The following SSC4D variants were observed in gnomAD, a reference collection of about 807,000 sequenced individuals.
The protein encoded by SSC4D is scavenger receptor cysteine-rich domain-containing group B protein.
Under a neutral mutation model 63.4 loss-of-function variants are expected in SSC4D, and 57 were observed. That is an observed-to-expected ratio of 0.90 (90% CI 0.73 to 1.12). The LOEUF (loss-of-function observed/expected upper bound fraction) is 1.12. Among genes scored for constraint, SSC4D ranks in the 50% most tolerant of loss-of-function variants. The pLI, the probability that SSC4D is intolerant of heterozygous loss-of-function variation, is 0.00. For synonymous variants in SSC4D, 352 were observed against 345.4 expected, an observed-to-expected ratio of 1.02 and a Z score of -0.21; for missense variants, 791 against 806.4, an observed-to-expected ratio of 0.98 and a Z score of 0.23.
chr7:76,395,351 G>C (rs752772513), intron 6 of SSC4D, 21 bp from the exon 7 acceptor site: 1 of 1,612,592 alleles, frequency 6.2e-7, no homozygotes, highest in South Asian at 1.1e-5. Context: ...AGAGAAGGGG[G>C]CAGGGTCAGA....
At position 76,400,506 on chromosome 7, in the gene SSC4D, G is replaced by A. The variant is rs575407993; in HGVS notation, c.255C>T (p.Asp85=). ...CGTTGGCGTCCACCACGTCCCAGTC[G>A]TCATCACAGACGCTGCCCCAGGAGC... ...HGGSWGSVCD[D]DWDVVDANVV... is the part of the protein sequence containing the mutation. The change falls in exon 4 of 11, where the codon GAC becomes GAT. Residue 85 remains aspartate (D), a synonymous_variant. Transcript: ENST00000275560. 104 of 1,595,748 alleles carry A rather than the reference G, an allele frequency of 6.5e-5. 3 individuals carry two copies. In the South Asian group the frequency reaches 1.1e-3, roughly 16 times the overall value.
intron 5 of SSC4D, among the ~76,000 whole-genome samples, chr7:76,398,398 G>A (rs759663038): frequency 6.0e-5 from 9 of 149,318 alleles, no homozygotes; most frequent in East Asian, 2.0e-4. Context: ...TCTGCCTCCC[G>A]GGTTCAAGTG....
chr7:76,405,863 A>G (rs529720005), intron 1 of SSC4D, among the ~76,000 whole-genome samples: 9 of 152,066 alleles, frequency 5.9e-5, no homozygotes, highest in Admixed American at 2.0e-4. Context: ...AGGGCTGCAC[A>G]TTTGATTTTG....
At position 76,390,070 on chromosome 7, in the gene SSC4D, G is replaced by A; in HGVS notation, c.1717C>T (p.Gln573Ter). Residue 573 changes from glutamine (Q) to a stop codon, truncating the protein, a stop_gained, in exon 11 of 11, where the codon CAG becomes TAG. Transcript: ENST00000275560. LOFTEE classifies it high-confidence loss of function. ...DHSEDASVLCQPS is the reference protein window; with the variant it reads ...DHSEDASVLC The stretch of plus-strand genomic sequence containing the variant: ...CAGAGCGGGCTGGGTCATGAAGGCT[G>A]GCACAGGACACTGGCATCCTCGCTG... 1 of 1,614,224 alleles carries A rather than the reference G, an allele frequency of 6.2e-7. No homozygotes were observed. Among genetic ancestry groups the A allele is most frequent in the Non-Finnish European group, 8.5e-7 (1 of 1,180,034 alleles).
At chr7:76,402,321 A>T (rs767405268) in intron 2 of SSC4D, among the ~76,000 whole-genome samples, 38 of 151,796 alleles carry the variant, frequency 2.5e-4, no homozygotes, top group African/African-American at 3.4e-4. Flanking sequence ...TTGGGACTGC[A>T]GGCGCACACC....
intron 5 of SSC4D, 60 bp downstream of exon 5, chr7:76,398,660 G>A: frequency 6.5e-7 from 1 of 1,532,642 alleles, no homozygotes; most frequent in Non-Finnish European, 9.0e-7. Context: ...ACTGCCTAGG[G>A]TAGGGTGTGA....
rs540709632 is a variant in SSC4D, at chr7:76,408,957, G to A, written c.-67+457C>T. 2.6e-5 allele frequency among the ~76,000 whole-genome samples: 4 copies of A among 152,242 alleles called. No homozygotes were observed. The East Asian group carries it at 7.7e-4, about 29-fold the overall frequency. ...GACCTTCACCTTGCAAAGCCTCACT[G>A]TTCTCATCTGTAAAATGGCTTTCGT... On this transcript the variant is annotated intron_variant, in intron 1 of 10. Transcript: ENST00000275560.
chr7:76,400,937 TG>T (rs1468479218), intron 3 of SSC4D, 70 bp downstream of exon 3: 1 of 1,543,016 alleles, frequency 6.5e-7, no homozygotes, highest in Non-Finnish European at 8.8e-7. Context: ...TCACTTCCTG[TG>T]GTTCCCTGTC....
Position 76,390,118 on chromosome 7 carries a change from A to G in SSC4D, c.1669T>C (p.Trp557Arg). 2.5e-6 allele frequency: 4 copies of G among 1,614,220 alleles called. No homozygotes were observed. The highest frequency in any genetic ancestry group is 3.4e-6 in the Non-Finnish European group (4 of 1,180,038). ...CTGTGGTCACAGTTGTGGGCATCCCAGCGGATATGAGAGCAGAGCAGCAGA... is the reference window on the plus strand; with the variant it reads ...CTGTGGTCACAGTTGTGGGCATCCCGGCGGATATGAGAGCAGAGCAGCAGA... Reference protein sequence around the residue: ...SALLLCSHIRWDAHNCDHSED... With the variant: ...SALLLCSHIRRDAHNCDHSED... Residue 557 changes from tryptophan to arginine, a missense_variant, in exon 11 of 11, where the codon TGG (tryptophan) becomes CGG (arginine). Physicochemically the swap from Trp to Arg is moderately radical, Grantham distance 101. Transcript: ENST00000275560.
chr7:76,406,696 T>C (rs977178151), intron 1 of SSC4D, among the ~76,000 whole-genome samples: 1 of 151,806 alleles, frequency 6.6e-6, no homozygotes, highest in African/African-American at 2.4e-5. Context: ...TCTCGTGCTG[T>C]GTTACTCAGG....
Position 76,390,115 on chromosome 7 carries a change from C to G in SSC4D, c.1672G>C (p.Asp558His), listed in dbSNP as rs1308626487. Residue 558 changes from aspartate to histidine, a missense_variant, in exon 11 of 11, where the codon GAT (aspartate) becomes CAT (histidine). By Grantham distance (81) the Asp-to-His change is moderately conservative. Transcript: ENST00000275560. ...ALLLCSHIRW[D>H]AHNCDHSEDA... is the part of the protein sequence containing the mutation. ...TCGCTGTGGTCACAGTTGTGGGCATCCCAGCGGATATGAGAGCAGAGCAGC... is the reference window on the plus strand; with the variant it reads ...TCGCTGTGGTCACAGTTGTGGGCATGCCAGCGGATATGAGAGCAGAGCAGC... The G allele has an allele frequency of 6.2e-7, 1 of 1,614,106 alleles. No individual in the cohort carries two copies. The highest frequency in any genetic ancestry group is 1.3e-5 in the African/African-American group (1 of 74,952).
chr7:76,405,968 C>CCTTT (rs202024651), intron 1 of SSC4D, among the ~76,000 whole-genome samples: 11,453 of 150,380 alleles, frequency 0.076, 601 homozygotes, highest in Middle Eastern at 0.16. Context: ...CTTCCTTCTT[C>CCTTT]CTTTCCTTTC....
chr7:76,405,425 G>A (rs192352908), intron 1 of SSC4D, among the ~76,000 whole-genome samples: 3 of 131,326 alleles, frequency 2.3e-5, no homozygotes, highest in South Asian at 2.6e-4. Flanking sequence ...TAAGGGATCC[G>A]CCCACCTTGG....
chr7:76,389,910 A>G lies in SSC4D; in HGVS notation c.*149T>C, dbSNP rs1804455109. On this transcript the variant is annotated 3_prime_UTR_variant, in exon 11 of 11. Transcript: ENST00000275560. ...ACGGGGGTACAGCCAGGCTCCCCCA[A>G]GCAGGACTGCACTGTCTAGGTAGGC... is the stretch of plus-strand genomic sequence containing the variant. The G allele has an allele frequency of 4.0e-6, 4 of 995,900 alleles. No homozygotes were observed. The highest frequency in any genetic ancestry group is 2.5e-5 in the East Asian group (1 of 39,260). 61.7% of individuals were successfully genotyped at this position (995,900 alleles called of 1,614,324 possible).
intron 1 of SSC4D, among the ~76,000 whole-genome samples, chr7:76,406,944 C>G (rs1343952308): frequency 6.6e-6 from 1 of 151,638 alleles, no homozygotes; most frequent in East Asian, 1.9e-4. Flanking sequence ...CACATTTCTT[C>G]TGATTTAAAT....
intron 9 of SSC4D, 149 bp from the exon 10 acceptor site, chr7:76,392,190 C>G (rs1402522073): frequency 1.4e-6 from 1 of 730,034 alleles, no homozygotes; most frequent in Non-Finnish European, 2.2e-6. Flanking sequence ...TCCCCTTGAT[C>G]AGAAATGCGG....
At chr7:76,394,748 A>AATATATAT (rs35943058) in intron 7 of SSC4D, among the ~76,000 whole-genome samples, 24 of 131,298 alleles carry the variant, frequency 1.8e-4, no homozygotes, top group African/African-American at 4.7e-4. Flanking sequence ...ATGTATGTAT[A>AATATATAT]ATATATATAT....
intron 7 of SSC4D, among the ~76,000 whole-genome samples, chr7:76,395,050 AC>A (rs1435935064): frequency 6.6e-6 from 1 of 151,130 alleles, no homozygotes; most frequent in Non-Finnish European, 1.5e-5. Flanking sequence ...GCCTCCTCCC[AC>A]CCCGCTGAAG....
At chr7:76,404,623 T>G in intron 1 of SSC4D, 118 bp from the exon 2 acceptor site, 2 of 788,124 alleles carry the variant, frequency 2.5e-6, no homozygotes, top group Non-Finnish European at 4.0e-6. Flanking sequence ...GAGACCCCCA[T>G]CTCTACAAAA....
Sources: gnomAD v4.1 joint callset for allele counts (sites outside exome capture counted in the v4.1 genomes callset) on GRCh38, gnomAD v4.1.1 for gene constraint, MANE v1.5 for transcripts, NCBI Gene and HGNC (gene_info 2026-07-23, HGNC 2026-07-21) for gene names.